Variants in SLA2 observed in about 807,000 individuals in gnomAD.
SLA2 encodes the protein Src like adaptor 2.
SLA2 carries 22 observed loss-of-function variants against 27.3 expected under a neutral mutation model. The ratio of observed to expected loss-of-function variants is 0.81; its 90% CI spans 0.58 to 1.15. SLA2 has a LOEUF of 1.15. Among genes scored for constraint, SLA2 ranks in the 50% most tolerant of loss-of-function variants. SLA2 has a pLI of 0.00. For synonymous variants in SLA2, 131 were observed against 137.8 expected, an observed-to-expected ratio of 0.95 and a Z score of 0.34; for missense variants, 304 against 322.2, an observed-to-expected ratio of 0.94 and a Z score of 0.43.
intron 5 of SLA2, among the ~76,000 whole-genome samples, chr20:36,617,963 C>T (rs1361765156): frequency 1.3e-5 from 2 of 150,988 alleles, no homozygotes; most frequent in Admixed American, 6.6e-5. Context: ...CTGGCTAACA[C>T]GGTGAAACCC....
At chr20:36,640,664 C>T (rs945555024) in intron 2 of SLA2, among the ~76,000 whole-genome samples, 5 of 152,002 alleles carry the variant, frequency 3.3e-5, no homozygotes, top group Admixed American at 2.0e-4. Flanking sequence ...TTACAGGCAC[C>T]CACCACCATG....
chr20:36,642,240 A>G (rs112789973), intron 1 of SLA2, among the ~76,000 whole-genome samples: 2,750 of 57,548 alleles, frequency 0.048, 112 homozygotes, highest in African/African-American at 0.15. Context: ...GCAAGGCTTT[A>G]GGGGACTGAC....
intron 1 of SLA2, among the ~76,000 whole-genome samples, 152 bp from the exon 2 acceptor site, chr20:36,641,530 C>A (rs912849453): frequency 6.6e-6 from 1 of 152,214 alleles, no homozygotes; most frequent in Admixed American, 6.6e-5. Context: ...CTGCCAGCCT[C>A]TGAAGGCTTC....
chr20:36,632,785 C>T, intron 4 of SLA2, 87 bp from the exon 5 acceptor site: 1 of 991,440 alleles, frequency 1.0e-6, no homozygotes, highest in Non-Finnish European at 1.5e-6. Flanking sequence ...CTGAGTGACC[C>T]TCACAAGGCC....
intron 2 of SLA2, among the ~76,000 whole-genome samples, chr20:36,638,210 C>A (rs981743659): frequency 6.6e-6 from 1 of 151,968 alleles, no homozygotes; most frequent in Non-Finnish European, 1.5e-5. Flanking sequence ...TTAGTCAGCT[C>A]TGTAAAACAG....
intron 5 of SLA2, among the ~76,000 whole-genome samples, chr20:36,627,107 T>C (rs1306299832): frequency 6.6e-6 from 1 of 151,976 alleles, no homozygotes; most frequent in Non-Finnish European, 1.5e-5. Flanking sequence ...GGGAGGGGTA[T>C]GTGTAAGGAT....
Position 36,619,220 on chromosome 20 carries a change from GAAAAAA to G in SLA2, c.383-3852_383-3847del, listed in dbSNP as rs60021707. Among the ~76,000 whole-genome samples, 9 of 71,296 alleles carry G rather than the reference GAAAAAA, an allele frequency of 1.3e-4. No individual in the cohort carries two copies. In the East Asian group the frequency reaches 3.4e-3, roughly 27 times the overall value. 46.8% of individuals were successfully genotyped at this position (71,296 alleles called of 152,430 possible). A position where few individuals can be genotyped will look rare whatever the true frequency, so the allele number is the denominator to read the frequency against. On this transcript the variant is annotated intron_variant, in intron 5 of 7. Transcript: ENST00000262866. ...TGGGCAATGGAGTGAGACTCTGGGGGAAAAAAAAAAAAAAAAAAAAAAAGGCTGGGT... is the reference window on the plus strand; with the variant it reads ...TGGGCAATGGAGTGAGACTCTGGGGGAAAAAAAAAAAAAAAAAGGCTGGGT...
intron 5 of SLA2, among the ~76,000 whole-genome samples, chr20:36,626,386 G>A (rs369685453): frequency 5.4e-5 from 8 of 148,480 alleles, no homozygotes; most frequent in Non-Finnish European, 8.9e-5. Context: ...ACGAGACTCC[G>A]TCTAAAAAAA....
intron 5 of SLA2, among the ~76,000 whole-genome samples, chr20:36,623,715 A>G (rs1447599985): frequency 2.0e-5 from 3 of 151,846 alleles, no homozygotes; most frequent in South Asian, 2.1e-4. Context: ...GCAGGCCTCA[A>G]ACTCCTGGGC....
chr20:36,616,443 G>A (rs768766385), intron 5 of SLA2, among the ~76,000 whole-genome samples: 5 of 148,710 alleles, frequency 3.4e-5, no homozygotes, highest in African/African-American at 7.4e-5. Flanking sequence ...TGATTCCCCC[G>A]CCTCAGCCTC....
intron 5 of SLA2, among the ~76,000 whole-genome samples, chr20:36,619,883 C>T (rs1215351244): frequency 6.6e-6 from 1 of 150,814 alleles, no homozygotes; most frequent in African/African-American, 2.4e-5. Flanking sequence ...CCACCTGTCT[C>T]GGCCTCCCAA....
At chr20:36,632,187 T>C (rs1007140587) in intron 5 of SLA2, among the ~76,000 whole-genome samples, 1 of 152,176 alleles carries the variant, frequency 6.6e-6, no homozygotes. Flanking sequence ...CCAAGGCCTC[T>C]GTGCTGGAGC....
At chr20:36,636,019 C>T (rs1051593113) in intron 2 of SLA2, among the ~76,000 whole-genome samples, 3 of 152,176 alleles carry the variant, frequency 2.0e-5, no homozygotes, top group African/African-American at 7.2e-5. Flanking sequence ...GGTTTAGCAC[C>T]TGTCCCTGGG....
At chr20:36,619,234 A>C (rs2039251842) in intron 5 of SLA2, among the ~76,000 whole-genome samples, 1 of 138,152 alleles carries the variant, frequency 7.2e-6, no homozygotes, top group African/African-American at 3.1e-5. Flanking sequence ...AAAAAAAAAA[A>C]AAAAAAAAAG....
intron 2 of SLA2, 98 bp downstream of exon 2, chr20:36,641,147 T>A: frequency 9.8e-7 from 1 of 1,018,338 alleles, no homozygotes; most frequent in Non-Finnish European, 1.5e-6. Context: ...CAGCGGTGCT[T>A]ACACTGTGTT....
intron 5 of SLA2, among the ~76,000 whole-genome samples, chr20:36,626,324 A>G (rs2039336862): frequency 6.6e-6 from 1 of 151,298 alleles, no homozygotes; most frequent in Non-Finnish European, 1.5e-5. Context: ...CCCAGGAGGC[A>G]TAGGTTGCAA....
At chr20:36,641,501 G>T in intron 1 of SLA2, 123 bp from the exon 2 acceptor site, 1 of 563,252 alleles carries the variant, frequency 1.8e-6, no homozygotes, top group Non-Finnish European at 3.2e-6. Flanking sequence ...CCCTCCTGTG[G>T]GACCAGGCTC....
intron 5 of SLA2, among the ~76,000 whole-genome samples, chr20:36,631,751 A>T (rs1386519324): frequency 6.6e-6 from 1 of 152,196 alleles, no homozygotes; most frequent in Non-Finnish European, 1.5e-5. Flanking sequence ...CACCTCACTC[A>T]GCAGAGATGC....
chr20:36,633,154 C>T (rs1600828145), intron 4 of SLA2, among the ~76,000 whole-genome samples: 2 of 152,322 alleles, frequency 1.3e-5, no homozygotes, highest in South Asian at 4.1e-4. Flanking sequence ...TCACTGCAGC[C>T]TTGACCTTCC....
Sources: allele counts gnomAD v4.1 joint callset (sites outside exome capture counted in the v4.1 genomes callset), GRCh38; gene constraint gnomAD v4.1.1; transcripts MANE v1.5; gene names NCBI Gene and HGNC (gene_info 2026-07-23, HGNC 2026-07-21).